POMGNT1: variants seen among roughly 807,000 people sequenced by gnomAD.
POMGNT1 encodes protein O-linked mannose N-acetylglucosaminyltransferase 1 (beta 1,2-), also known as protein O-linked-mannose beta-1,2-N-acetylglucosaminyltransferase 1.
POMGNT1 carries 67 observed loss-of-function variants against 95.6 expected under a neutral mutation model. That is an observed-to-expected ratio of 0.70 (90% CI 0.58 to 0.86). The LOEUF is 0.86. Among genes scored for constraint, POMGNT1 ranks in the 40% least tolerant of loss-of-function variants. The pLI is 0.00. For missense variants in POMGNT1, 719 were observed against 855.2 expected (o/e 0.84, Z 1.99); for synonymous variants, 298 against 317.9 (o/e 0.94, Z 0.66).
intron 9 of POMGNT1, 131 bp downstream of exon 9, chr1:46,194,143 A>G (rs1658018136): frequency 4.5e-6 from 7 of 1,564,526 alleles, no homozygotes; most frequent in Non-Finnish European, 6.1e-6. Context: ...TGTCTTTCAG[A>G]GCGCAGTGTA....
upstream of POMGNT1, among the ~76,000 whole-genome samples, chr1:46,201,697 C>CAAAAAAA (rs59930051): frequency 1.3e-4 from 11 of 85,800 alleles, no homozygotes; most frequent in Non-Finnish European, 1.6e-4. Context: ...GACTCCATCT[C>CAAAAAAA]AAAAAAAAAA....
Position 46,209,204 on chromosome 1 carries a change from C to T in POMGNT1, c.-51+10501G>A, listed in dbSNP as rs187114768. ...CATGCCCAGCTAATTTTGTATTTTTCGTAGAGATGGGGTTGCTCCATGTTG... is the reference window on the plus strand; with the variant it reads ...CATGCCCAGCTAATTTTGTATTTTTTGTAGAGATGGGGTTGCTCCATGTTG... On this transcript the variant is annotated intron_variant, in intron 1 of 22. Transcript: ENST00000371992. Among the ~76,000 whole-genome samples, 625 of 152,114 alleles carry T rather than the reference C, an allele frequency of 4.1e-3. 7 individuals are homozygous for T. Among genetic ancestry groups the T allele is most frequent in the African/African-American group, 0.014 (585 of 41,520 alleles).
chr1:46,188,825 C>T lies in POMGNT1; in HGVS notation c.*445G>A. 1 of 1,612,894 alleles carries T rather than the reference C, an allele frequency of 6.2e-7. No homozygotes were observed. The highest frequency in any genetic ancestry group is 8.5e-7 in the Non-Finnish European group (1 of 1,179,900). On this transcript the variant is annotated 3_prime_UTR_variant, in exon 22 of 22. Transcript: ENST00000371984. ...TGTCAGCATGTGGGCCCCAGCTGGG[C>T]CTGTCCATGGGTTGGGCACAGCAGT... is the stretch of plus-strand genomic sequence containing the variant.
chr1:46,196,601 G>T lies in POMGNT1; in HGVS notation c.354+130C>A. On this transcript the variant is annotated intron_variant, in intron 4 of 21. Coordinates refer to ENST00000371984, the MANE Select transcript of POMGNT1 (RefSeq NM_017739.4). This position sits in a 1 kb window ranked among gnomAD's most constrained non-coding sequence, Gnocchi z 4.4. ...AGTCCCAGTCTATAGATAAGGAATCGAGGACTCCAAAGTCACACAGCTAGA... is the reference window on the plus strand; with the variant it reads ...AGTCCCAGTCTATAGATAAGGAATCTAGGACTCCAAAGTCACACAGCTAGA... The T allele has an allele frequency of 6.4e-7, 1 of 1,559,020 alleles. No individual in the cohort carries two copies. The highest frequency in any genetic ancestry group is 8.7e-7 in the Non-Finnish European group (1 of 1,151,776).
At chr1:46,201,222 T>TAA (rs1176918228), upstream of POMGNT1, among the ~76,000 whole-genome samples, 1 of 150,102 alleles carries the variant, frequency 6.7e-6, no homozygotes, top group African/African-American at 2.5e-5. Context: ...CTTAAAATTA[T>TAA]AAAGGTAGGC....
At position 46,196,671 on chromosome 1, in the gene POMGNT1, C is replaced by T. The variant is rs771739786; in HGVS notation, c.354+60G>A. ...CCCACTTAGGCAGTAGACCCTGCTGCCAGTGGACCATGCCCTGAGCAGAAT... is the reference window on the plus strand; with the variant it reads ...CCCACTTAGGCAGTAGACCCTGCTGTCAGTGGACCATGCCCTGAGCAGAAT... On this transcript the variant is annotated intron_variant, in intron 4 of 21. Coordinates refer to ENST00000371984, the MANE Select transcript of POMGNT1 (RefSeq NM_017739.4). The surrounding 1 kb of genome is among the most constrained non-coding windows in gnomAD (Gnocchi z 4.4). 121 of 1,612,696 alleles carry T rather than the reference C, an allele frequency of 7.5e-5. 1 individual carries two copies. The highest frequency in any genetic ancestry group is 9.7e-5 in the Non-Finnish European group (114 of 1,179,942).
chr1:46,192,264 G>C, intron 16 of POMGNT1, 41 bp from the exon 17 acceptor site: 1 of 1,614,156 alleles, frequency 6.2e-7, no homozygotes, highest in Non-Finnish European at 8.5e-7. Flanking sequence ...GATGTTTCGA[G>C]TTGGTAGGGG....
Position 46,190,484 on chromosome 1 carries a change from G to C in POMGNT1, c.1638C>G (p.His546Gln). 6.2e-7 allele frequency: 1 copy of C among 1,605,296 alleles called. No individual in the cohort carries two copies. The highest frequency in any genetic ancestry group is 2.2e-5 in the East Asian group (1 of 44,834). ...GTCCTAGGCCATACCTGAGCAGCCT[G>C]TGAACTTCCACTTCATAAGCTTCTT... Reference protein sequence around the residue: ...LKKEAYEVEVHRLLSEAEVLD... With the variant: ...LKKEAYEVEVQRLLSEAEVLD... The change falls in exon 19 of 22, where the codon CAC becomes CAG. Residue 546 changes from histidine to glutamine, a missense_variant. Physicochemically the swap from His to Gln is conservative, Grantham distance 24. Transcript: ENST00000371984.
At position 46,194,339 on chromosome 1, in the gene POMGNT1, C is replaced by T; in HGVS notation, c.814G>A (p.Val272Ile). ...NRRRRRFCSK[V>I]EGYGSVCSCK... ...CTGCATACACTTCCATAGCCCTCAA[C>T]TTTGCTGCAGAAGCGCCGGCGGCGA... Residue 272 changes from valine to isoleucine, a missense_variant, in exon 9 of 22, where the codon GTT becomes ATT. This residue lies in a region of POMGNT1 where 466 missense variants were observed against 517.4 expected (regional missense o/e 0.90). Transcript: ENST00000371984. 3 of 1,614,252 alleles carry T rather than the reference C, an allele frequency of 1.9e-6. No homozygotes were observed. Among genetic ancestry groups the T allele is most frequent in the Non-Finnish European group, 2.5e-6 (3 of 1,180,050 alleles).
At chr1:46,197,185 A>C (rs1235475150) in intron 2 of POMGNT1, 101 bp from the exon 3 acceptor site, 7 of 1,604,120 alleles carry the variant, frequency 4.4e-6, no homozygotes, top group Middle Eastern at 1.7e-4. Context: ...CATCCAGAGA[A>C]ACTGGGTCCT....
rs2275711 is a variant in POMGNT1, at chr1:46,190,694, C to T, written c.1604+26G>A. 6 of 1,599,266 alleles carry T rather than the reference C, an allele frequency of 3.8e-6. No homozygotes were observed. In the East Asian group the frequency reaches 1.3e-4, roughly 36 times the overall value. Reference sequence around the variant, plus strand: ...GGCCTCCAAATCTCCTAGATATCCACCCCTTGCCCTGCTGCCAGCCCCAAC... The same window carrying T: ...GGCCTCCAAATCTCCTAGATATCCATCCCTTGCCCTGCTGCCAGCCCCAAC... On this transcript the variant is annotated intron_variant, in intron 18 of 21. Transcript: ENST00000371984.
rs371741722 is a variant in POMGNT1 at position 46,189,527 on chromosome 1, C to T, written c.1826G>A (p.Arg609Gln). The T allele has an allele frequency of 3.8e-5, 61 of 1,613,146 alleles. No individual in the cohort carries two copies. The highest frequency in any genetic ancestry group is 1.6e-4 in the African/African-American group (12 of 74,880). The change falls in exon 21 of 22, where the codon CGG becomes CAG. Residue 609 changes from arginine (R) to glutamine (Q), a missense_variant. This residue lies in a region of POMGNT1 where 130 missense variants were observed against 149.2 expected (regional missense o/e 0.87). Transcript: ENST00000371984. The stretch of plus-strand genomic sequence containing the variant: ...CTTCCGAAACAATCTCCACAGGCCC[C>T]GATGGTTGCCACGCACATCCAGGTC... ...IWDLDVRGNH[R>Q]GLWRLFRKKN... is the part of the protein sequence containing the mutation.
intron 17 of POMGNT1, 163 bp from the exon 18 acceptor site, chr1:46,190,947 C>A: frequency 1.4e-6 from 1 of 699,290 alleles, no homozygotes. Flanking sequence ...GCATCCTCAG[C>A]AAGCTCTTAC....
At chr1:46,203,556 C>A in intron 1 of POMGNT1, 1 of 1,569,146 alleles carries the variant, frequency 6.4e-7, no homozygotes, top group Non-Finnish European at 8.6e-7. Context: ...TGGCGCCCTG[C>A]TGCTCCCAGG....
chr1:46,195,578 G>C lies in POMGNT1; in HGVS notation c.534+233C>G, dbSNP rs888514737. 10 of 593,386 alleles carry C rather than the reference G, an allele frequency of 1.7e-5. No individual in the cohort carries two copies. The African/African-American group carries it at 1.8e-4, about 11-fold the overall frequency. The allele number at this position is 593,386 out of a possible 1,614,324, so 36.8% of individuals were successfully genotyped here. A position where few individuals can be genotyped will look rare whatever the true frequency, so the allele number is the denominator to read the frequency against. ...GGAATATAAGCTCCATGAGGGTGGG[G>C]ACTCTGTCTTGTTTCCCATTGTATC... On this transcript the variant is annotated intron_variant, in intron 6 of 21. Coordinates refer to ENST00000371984, the MANE Select transcript of POMGNT1 (RefSeq NM_017739.4).
At chr1:46,197,647 GGGGAGGAAGCT>G in intron 2 of POMGNT1, 44 bp downstream of exon 2, 1 of 1,610,274 alleles carries the variant, frequency 6.2e-7, no homozygotes, top group Non-Finnish European at 8.5e-7. Flanking sequence ...TGATTTAGGT[GGGGAGGAAGCT>G]GGGAGGGAGC....
chr1:46,197,974 A>T, intron 1 of POMGNT1, 103 bp from the exon 2 acceptor site: 1 of 1,154,766 alleles, frequency 8.7e-7, no homozygotes, highest in Non-Finnish European at 1.2e-6. Flanking sequence ...CCCTGCAAGC[A>T]CCCATACTGT....
intron 1 of POMGNT1, among the ~76,000 whole-genome samples, chr1:46,214,457 A>G (rs1027917854): frequency 4.6e-5 from 7 of 152,340 alleles, no homozygotes; most frequent in Admixed American, 6.5e-5. Flanking sequence ...GATAAAAGAT[A>G]ATACTGTAGC....
chr1:46,219,922 G>A (rs1659181446), exon 1 of POMGNT1: 9 of 1,614,130 alleles, frequency 5.6e-6, no homozygotes, highest in South Asian at 1.1e-5. Context: ...CGGCTGGACA[G>A]TGTCTCTATT....
Sources: gnomAD v4.1 joint callset for allele counts (sites outside exome capture counted in the v4.1 genomes callset) on GRCh38, gnomAD v4.1.1 for gene constraint, gnomAD v4.1.1 regional missense constraint, Gnocchi (gnomAD v3.1) non-coding constraint, MANE v1.5 for transcripts, NCBI Gene and HGNC (gene_info 2026-07-23, HGNC 2026-07-21) for gene names.